Variants in AGBL1 observed in about 807,000 individuals in gnomAD.
The protein encoded by AGBL1 is AGBL carboxypeptidase 1.
Under a neutral mutation model 118.9 loss-of-function variants are expected in AGBL1, and 130 were observed. That is an observed-to-expected ratio of 1.09 (90% CI 0.95 to 1.26). The LOEUF is 1.26. AGBL1 is among the 50% of genes most tolerant of loss of function. AGBL1 has a pLI of 0.00. For synonymous variants in AGBL1, 555 were observed against 478.9 expected (o/e 1.16, Z -2.08); for missense variants, 1,584 against 1,298.1 (o/e 1.22, Z -3.38).
intron 22 of AGBL1, among the ~76,000 whole-genome samples, chr15:86,813,574 C>T (rs2078821355): frequency 6.6e-6 from 1 of 152,128 alleles, no homozygotes; most frequent in Non-Finnish European, 1.5e-5. Context: ...TCCTAAGGCC[C>T]TTTGGCCCTT....
chr15:86,196,616 G>A (rs2077806681), intron 5 of AGBL1, among the ~76,000 whole-genome samples: 1 of 152,096 alleles, frequency 6.6e-6, no homozygotes, highest in Admixed American at 6.5e-5. Context: ...GGGATTAAGT[G>A]TCAAGTAGAT....
intron 21 of AGBL1, among the ~76,000 whole-genome samples, chr15:86,654,642 G>T (rs2085433477): frequency 6.6e-6 from 1 of 152,096 alleles, no homozygotes; most frequent in Admixed American, 6.5e-5. Flanking sequence ...TGGATGGCAG[G>T]TGTCAGGGTA....
chr15:86,592,334 G>C (rs2084348973), intron 21 of AGBL1, among the ~76,000 whole-genome samples: 1 of 152,226 alleles, frequency 6.6e-6, no homozygotes, highest in South Asian at 2.1e-4. Context: ...ATAAGGCAGA[G>C]GGAGAGACCA....
At chr15:86,270,424 CA>C (rs2079141263) in intron 14 of AGBL1, among the ~76,000 whole-genome samples, 2 of 152,136 alleles carry the variant, frequency 1.3e-5, no homozygotes, top group African/African-American at 4.8e-5. Context: ...AGAGGAACAA[CA>C]AAATCCAATT....
intron 17 of AGBL1, among the ~76,000 whole-genome samples, chr15:86,368,598 C>T (rs2080926123): frequency 6.6e-6 from 1 of 151,998 alleles, no homozygotes; most frequent in Non-Finnish European, 1.5e-5. Context: ...TAATCCTAGA[C>T]ACAGTTAAAG....
intron 22 of AGBL1, among the ~76,000 whole-genome samples, chr15:86,839,609 C>T (rs575202261): frequency 1.3e-5 from 2 of 152,236 alleles, no homozygotes; most frequent in South Asian, 4.1e-4. Flanking sequence ...TGGCCTCTTC[C>T]CCTTATATGT....
intron 5 of AGBL1, among the ~76,000 whole-genome samples, chr15:86,184,433 C>CTTT (rs71144032): frequency 1.7e-4 from 23 of 136,196 alleles, no homozygotes; most frequent in African/African-American, 5.5e-4. Flanking sequence ...TTTTTTCTTT[C>CTTT]TTTTTTTTTT....
rs28558808 is a variant in AGBL1 at position 86,760,821 on chromosome 15, C to A, written c.3158+86385C>A. Among the ~76,000 whole-genome samples, 347 of 152,064 alleles carry A rather than the reference C, an allele frequency of 2.3e-3. 1 individual carries two copies. The highest frequency in any genetic ancestry group is 8.0e-3 in the African/African-American group (331 of 41,522). On this transcript the variant is annotated intron_variant, in intron 22 of 22. Transcript: ENST00000614907. ...ACTTTGGGAAATTAATTGTGTCTTC[C>A]TAAACTGCCCTCTGTCCCACCCTAG...
intron 5 of AGBL1, among the ~76,000 whole-genome samples, chr15:86,200,738 G>A (rs1002748947): frequency 1.9e-4 from 28 of 151,278 alleles, no homozygotes; most frequent in East Asian, 5.9e-4. Context: ...TGCTTCAGCC[G>A]CCTGAGTAAC....
chr15:86,871,587 C>T (rs1446862221), intron 22 of AGBL1, among the ~76,000 whole-genome samples: 1 of 152,166 alleles, frequency 6.6e-6, no homozygotes, highest in Non-Finnish European at 1.5e-5. Context: ...GTTCACTAAG[C>T]CTTAAGATGG....
chr15:86,262,650 C>T (rs934696460), intron 9 of AGBL1, 128 bp from the exon 10 acceptor site: 4 of 711,564 alleles, frequency 5.6e-6, no homozygotes, highest in Admixed American at 2.0e-5. Flanking sequence ...CTGGATGGGC[C>T]AGTGCTATAA....
At chr15:86,220,106 C>T (rs1387595816) in intron 5 of AGBL1, among the ~76,000 whole-genome samples, 2 of 152,020 alleles carry the variant, frequency 1.3e-5, no homozygotes, top group Non-Finnish European at 2.9e-5. Context: ...GGCCTGCCAC[C>T]ATGCCCAGCT....
chr15:86,327,049 A>C (rs1567200561), intron 17 of AGBL1, among the ~76,000 whole-genome samples: 2 of 152,100 alleles, frequency 1.3e-5, no homozygotes, highest in African/African-American at 4.8e-5. Context: ...GAATGGAAGG[A>C]AAAACTGACC....
At chr15:86,127,799 G>C (rs1318283090) in intron 1 of AGBL1, among the ~76,000 whole-genome samples, 1 of 152,146 alleles carries the variant, frequency 6.6e-6, no homozygotes, top group Non-Finnish European at 1.5e-5. Context: ...ACCCTCCTGT[G>C]AGAGGTCCTC....
chr15:86,951,000 A>C (rs1249829923), intron 23 of AGBL1, among the ~76,000 whole-genome samples: 1 of 152,308 alleles, frequency 6.6e-6, no homozygotes, highest in African/African-American at 2.4e-5. Context: ...CTTACTCTCA[A>C]GTTTGCTCAA....
chr15:86,661,751 G>A (rs2085544543), intron 21 of AGBL1, among the ~76,000 whole-genome samples: 1 of 152,076 alleles, frequency 6.6e-6, no homozygotes, highest in Non-Finnish European at 1.5e-5. Context: ...ATGGTGCTAA[G>A]CACGGTGACC....
At chr15:86,757,002 A>G (rs991446615) in intron 22 of AGBL1, among the ~76,000 whole-genome samples, 1 of 149,854 alleles carries the variant, frequency 6.7e-6, no homozygotes, top group Admixed American at 6.7e-5. Context: ...TTACTTACCT[A>G]CAGATCCCCA....
chr15:86,763,971 G>GA (rs2078061847), intron 22 of AGBL1, among the ~76,000 whole-genome samples: 1 of 152,008 alleles, frequency 6.6e-6, no homozygotes, highest in South Asian at 2.1e-4. Flanking sequence ...TTGTGGGATG[G>GA]AAAAATGAAA....
chr15:86,319,023 A>C (rs972805483), intron 17 of AGBL1, among the ~76,000 whole-genome samples: 6 of 152,186 alleles, frequency 3.9e-5, no homozygotes, highest in Non-Finnish European at 7.4e-5. Context: ...ATTTAACTTT[A>C]CCACTATAGT....
Sources: allele counts gnomAD v4.1 joint callset (sites outside exome capture counted in the v4.1 genomes callset), GRCh38; gene constraint gnomAD v4.1.1; transcripts MANE v1.5; gene names NCBI Gene and HGNC (gene_info 2026-07-23, HGNC 2026-07-21).